The following COL17A1 variants were observed in gnomAD, a reference collection of about 807,000 sequenced individuals.
COL17A1 encodes the protein collagen alpha-1(XVII) chain.
A neutral mutation model predicts 218.4 loss-of-function variants in COL17A1; 181 were observed. The observed-to-expected ratio is 0.83, with a 90% CI of 0.73 to 0.94. COL17A1 has a LOEUF of 0.94. COL17A1 is among the 40% of genes least tolerant of loss of function. The pLI is 0.00. For synonymous variants in COL17A1, 721 were observed against 731.0 expected (o/e 0.99, Z 0.22); for missense variants, 1,924 against 1,945.9 (o/e 0.99, Z 0.21).
At chr10:104,037,254 G>T in intron 46 of COL17A1, 141 bp from the exon 47 acceptor site, 1 of 784,412 alleles carries the variant, frequency 1.3e-6, no homozygotes, top group Non-Finnish European at 2.2e-6. Flanking sequence ...AGGCTATTTT[G>T]AAAGCATAAC....
rs928502026 is a variant in COL17A1 at position 104,036,925 on chromosome 10, G to T, written c.3277+120C>A. 1.8e-5 allele frequency: 18 copies of T among 996,548 alleles called. No homozygotes were observed. In the East Asian group the frequency reaches 4.7e-4, roughly 26 times the overall value. 61.7% of individuals were successfully genotyped at this position (996,548 alleles called of 1,614,324 possible). The stretch of plus-strand genomic sequence containing the variant: ...AGCAGTAAGTGGCTCTTTGTCCAAA[G>T]GACTCTGCCTCCCTCTTGCAGCCCT... On this transcript the variant is annotated intron_variant, in intron 47 of 55. Transcript: ENST00000648076.
chr10:104,076,476 T>C (rs777970119), intron 4 of COL17A1, 47 bp from the exon 5 acceptor site: 33 of 1,611,950 alleles, frequency 2.0e-5, no homozygotes, highest in Non-Finnish European at 2.8e-5. Context: ...AGCAGAGAGG[T>C]GAACCAAATG....
chr10:104,070,993 GGGCTGTCAAAA>G (rs1197309065), intron 8 of COL17A1, among the ~76,000 whole-genome samples: 1 of 152,156 alleles, frequency 6.6e-6, no homozygotes, highest in Non-Finnish European at 1.5e-5. Flanking sequence ...TGTATGCCTG[GGGCTGTCAAAA>G]GGAATCTGTG....
chr10:104,034,229 C>G lies in COL17A1; in HGVS notation c.3872G>C (p.Gly1291Ala), dbSNP rs781143436. Residue 1291 changes from glycine to alanine, a missense_variant, in exon 52 of 56, where the codon GGT (glycine) becomes GCT (alanine). Physicochemically the swap from Gly to Ala is moderately conservative, Grantham distance 60 (BLOSUM62 0). Coordinates refer to ENST00000648076, the MANE Select transcript of COL17A1 (RefSeq NM_000494.4). ...LLSTDASHSR[G>A]SSSSSHSSSV... ...TGAGCTGTGTGAGGAGGAGCTGCTA[C>G]CCCGACTGTGGGAGGCATCCGTGGA... 6.2e-7 allele frequency: 1 copy of G among 1,612,002 alleles called. No homozygotes were observed. The highest frequency in any genetic ancestry group is 8.5e-7 in the Non-Finnish European group (1 of 1,179,718).
intron 19 of COL17A1, 155 bp downstream of exon 19, chr10:104,055,217 C>T: frequency 6.8e-7 from 1 of 1,471,490 alleles, no homozygotes. Flanking sequence ...TATTCTGACT[C>T]TAAAACCAAC....
chr10:104,036,195 T>TATGGGA, intron 48 of COL17A1, among the ~76,000 whole-genome samples: 1 of 151,378 alleles, frequency 6.6e-6, no homozygotes, highest in Non-Finnish European at 1.5e-5. Flanking sequence ...TGAGTGTGTG[T>TATGGGA]GTGTATGGGA....
At position 104,054,096 on chromosome 10, in the gene COL17A1, A is replaced by C. The variant is rs756397047; in HGVS notation, c.1767T>G (p.Thr589=). ...GPKGDRGFPG[T]PGIPGPLGHP... ...AGGTCATCAGAGAGTACATACCTGG[A>C]GTCCCAGGGAACCCTCGATCTCCTG... The change falls in exon 21 of 56, where the codon ACT becomes ACG. Residue 589 remains threonine (T), a synonymous_variant. Coordinates refer to ENST00000648076, the MANE Select transcript of COL17A1 (RefSeq NM_000494.4). 2.7e-5 allele frequency: 43 copies of C among 1,612,210 alleles called. No individual in the cohort carries two copies. The East Asian group carries it at 9.4e-4, about 35-fold the overall frequency.
Position 104,040,363 on chromosome 10 carries a change from T to G in COL17A1, c.2749A>C (p.Lys917Gln). 1.2e-6 allele frequency: 2 copies of G among 1,609,938 alleles called. No individual in the cohort carries two copies. Among genetic ancestry groups the G allele is most frequent in the Non-Finnish European group, 1.7e-6 (2 of 1,176,232 alleles). The change falls in exon 40 of 56, where the codon AAG (lysine) becomes CAG (glutamine). Residue 917 changes from lysine to glutamine, a missense_variant. By Grantham distance (53) the Lys-to-Gln change is moderately conservative (BLOSUM62 1). Coordinates refer to ENST00000648076, the MANE Select transcript of COL17A1 (RefSeq NM_000494.4). ...PPGPPGPPGP[K>Q]GDQGPPGPRG... Reference sequence around the variant, plus strand: ...ACACTGTTCTCACCTTGGTCTCCCTTGGGACCTGGGGGGCCAGGTGGGCCT... The same window carrying G: ...ACACTGTTCTCACCTTGGTCTCCCTGGGGACCTGGGGGGCCAGGTGGGCCT...
At chr10:104,050,961 CATGT>C (rs1564677506) in intron 25 of COL17A1, 60 bp from the exon 26 acceptor site, 1 of 1,611,798 alleles carries the variant, frequency 6.2e-7, no homozygotes, top group African/African-American at 1.3e-5. Flanking sequence ...AATGATGAGA[CATGT>C]ATGCACACAC....
intron 2 of COL17A1, among the ~76,000 whole-genome samples, chr10:104,079,392 TG>T (rs2086742788): frequency 1.3e-5 from 2 of 151,256 alleles, no homozygotes; most frequent in South Asian, 4.2e-4. Flanking sequence ...TGCATGTATG[TG>T]TGTGTGTGTG....
intron 27 of COL17A1, 108 bp downstream of exon 27, chr10:104,050,513 T>C: frequency 1.7e-5 from 27 of 1,580,330 alleles, no homozygotes; most frequent in Non-Finnish European, 2.3e-5. Context: ...TAGAATGAGA[T>C]CTTGGTCCAG....
At chr10:104,051,578 C>G in intron 24 of COL17A1, 62 bp from the exon 25 acceptor site, 1 of 1,604,632 alleles carries the variant, frequency 6.2e-7, no homozygotes, top group Middle Eastern at 1.7e-4. Flanking sequence ...ACATCTGGCC[C>G]CGGTGCAGGG....
At chr10:104,042,032 G>T (rs1172462357) in intron 36 of COL17A1, among the ~76,000 whole-genome samples, 1 of 152,174 alleles carries the variant, frequency 6.6e-6, no homozygotes, top group Admixed American at 6.5e-5. Context: ...CTGCTGTTCT[G>T]CACTCCAGAT....
At chr10:104,059,532 C>T in intron 15 of COL17A1, 106 bp downstream of exon 15, 3 of 996,812 alleles carry the variant, frequency 3.0e-6, no homozygotes, top group Non-Finnish European at 4.8e-6. Context: ...GTGGCTGATG[C>T]TGCTGGCCCG....
chr10:104,061,447 G>A lies in COL17A1; in HGVS notation c.937C>T (p.Gln313Ter). 1 of 1,613,648 alleles carries A rather than the reference G, an allele frequency of 6.2e-7. No individual in the cohort carries two copies. The highest frequency in any genetic ancestry group is 8.5e-7 in the Non-Finnish European group (1 of 1,179,912). The stretch of plus-strand genomic sequence containing the variant: ...CCAGTGTTCACAGCCGCAGGACTCT[G>A]GGGCATGTTTTTCTTCACCCCATAT... ...TAYGVKKNMP[Q>*]SPAAVNTGVS... Residue 313 changes from glutamine (Q) to a stop codon, truncating the protein, a stop_gained, in exon 13 of 56, where the codon CAG becomes TAG. Transcript: ENST00000648076. LOFTEE classifies it high-confidence loss of function.
intron 39 of COL17A1, 25 bp from the exon 40 acceptor site, chr10:104,040,435 G>A (rs373811959): frequency 5.7e-5 from 87 of 1,527,502 alleles, no homozygotes; most frequent in African/African-American, 1.6e-4. Context: ...AATAGTTTGA[G>A]TATGGACACT....
chr10:104,077,265 C>T (rs1309689451), intron 4 of COL17A1, among the ~76,000 whole-genome samples, 157 bp downstream of exon 4: 1 of 152,156 alleles, frequency 6.6e-6, no homozygotes, highest in Non-Finnish European at 1.5e-5. Context: ...TTAGATAACT[C>T]TCAGGGGGAT....
Position 104,055,904 on chromosome 10 carries a change from T to C in COL17A1, c.1565A>G (p.Asp522Gly), listed in dbSNP as rs1338089729. The change falls in exon 18 of 56, where the codon GAC becomes GGC. Residue 522 changes from aspartate to glycine, a missense_variant. By Grantham distance (94) the Asp-to-Gly change is moderately conservative. Transcript: ENST00000648076. ...CGCGGGTGCCATGCCCTGGAGGCGG[T>C]CCTTTTCTATTCTATCCATGCTGTC... Reference protein sequence around the residue: ...YGDSMDRIEKDRLQGMAPAAG... With the variant: ...YGDSMDRIEKGRLQGMAPAAG... 2 of 1,614,162 alleles carry C rather than the reference T, an allele frequency of 1.2e-6. No homozygotes were observed. Among genetic ancestry groups the C allele is most frequent in the Non-Finnish European group, 1.7e-6 (2 of 1,180,022 alleles).
At position 104,070,443 on chromosome 10, in the gene COL17A1, G is replaced by A; in HGVS notation, c.590C>T (p.Thr197Ile). 1 of 1,613,958 alleles carries A rather than the reference G, an allele frequency of 6.2e-7. No individual in the cohort carries two copies. Among genetic ancestry groups the A allele is most frequent in the East Asian group, 2.2e-5 (1 of 44,882 alleles). Residue 197 changes from threonine (T) to isoleucine (I), a missense_variant, in exon 9 of 56, where the codon ACA (threonine) becomes ATA (isoleucine). Thr to Ile is a moderately conservative substitution (Grantham distance 89). Coordinates refer to ENST00000648076, the MANE Select transcript of COL17A1 (RefSeq NM_000494.4). Reference protein sequence around the residue: ...KKGTVETKIVTASSQSVSGTY... With the variant: ...KKGTVETKIVIASSQSVSGTY... ...AGACTTACCCGACTGGGAGCTCGCTGTCACAATTTTGGTCTCCACAGTGCC... is the reference window on the plus strand; with the variant it reads ...AGACTTACCCGACTGGGAGCTCGCTATCACAATTTTGGTCTCCACAGTGCC...
Sources: gnomAD v4.1 joint callset for allele counts (sites outside exome capture counted in the v4.1 genomes callset) on GRCh38, gnomAD v4.1.1 for gene constraint, MANE v1.5 for transcripts, NCBI Gene and HGNC (gene_info 2026-07-23, HGNC 2026-07-21) for gene names.